The following EXOC6B variants were observed in gnomAD, a reference collection of about 807,000 sequenced individuals.
EXOC6B encodes the protein exocyst complex component 6B, also known as SEC15 homolog B.
In EXOC6B, 54 loss-of-function variants were observed where a neutral mutation model predicts 113.5. The ratio of observed to expected loss-of-function variants is 0.48; its 90% CI spans 0.38 to 0.60. The LOEUF is 0.60. Ranked by LOEUF, EXOC6B falls within the 20% of genes least tolerant of loss-of-function variation. The pLI is 0.00. For missense variants in EXOC6B, 797 were observed against 977.5 expected, an observed-to-expected ratio of 0.82 and a Z score of 2.46; for synonymous variants, 357 against 339.0, an observed-to-expected ratio of 1.05 and a Z score of -0.58.
intron 6 of EXOC6B, among the ~76,000 whole-genome samples, chr2:72,629,507 A>T (rs1672258911): frequency 6.6e-6 from 1 of 152,164 alleles, no homozygotes; most frequent in Non-Finnish European, 1.5e-5. Context: ...TATCATATTC[A>T]TTTGCTATGA....
intron 6 of EXOC6B, among the ~76,000 whole-genome samples, chr2:72,578,799 T>A (rs762173021): frequency 3.3e-5 from 5 of 152,040 alleles, no homozygotes; most frequent in African/African-American, 4.8e-5. Flanking sequence ...TCCAGAAGAA[T>A]GAAGCAGCAG....
At chr2:72,768,609 C>CTT (rs34607791) in intron 1 of EXOC6B, among the ~76,000 whole-genome samples, 25 of 136,218 alleles carry the variant, frequency 1.8e-4, no homozygotes, top group Middle Eastern at 3.7e-3. Context: ...CCGGCCTAAG[C>CTT]TTTTTTTTTT....
chr2:72,818,207 C>G (rs948652101), intron 1 of EXOC6B, among the ~76,000 whole-genome samples: 2 of 151,990 alleles, frequency 1.3e-5, no homozygotes, highest in African/African-American at 4.8e-5. Context: ...GGCAGTAGCG[C>G]GATCTCGGCT....
At chr2:72,803,864 G>T (rs1339289577) in intron 1 of EXOC6B, among the ~76,000 whole-genome samples, 1 of 152,158 alleles carries the variant, frequency 6.6e-6, no homozygotes, top group Non-Finnish European at 1.5e-5. Flanking sequence ...CACAACCTTA[G>T]ATATGGTACA....
intron 7 of EXOC6B, among the ~76,000 whole-genome samples, chr2:72,562,484 T>C (rs941679027): frequency 2.6e-5 from 4 of 152,106 alleles, no homozygotes; most frequent in African/African-American, 9.6e-5. Flanking sequence ...CAGGTTTAGG[T>C]TTCAGCTGGG....
intron 19 of EXOC6B, among the ~76,000 whole-genome samples, chr2:72,347,515 C>T (rs1264322666): frequency 6.6e-6 from 1 of 151,936 alleles, no homozygotes; most frequent in Non-Finnish European, 1.5e-5. Context: ...AAAGCACTGT[C>T]TAAACAGAAA....
At chr2:72,649,251 A>T (rs1333770570) in intron 6 of EXOC6B, among the ~76,000 whole-genome samples, 2 of 152,326 alleles carry the variant, frequency 1.3e-5, no homozygotes, top group African/African-American at 4.8e-5. Flanking sequence ...GGGCACAAAA[A>T]ACAGCTAGAT....
chr2:72,275,581 T>C (rs1431793078), intron 20 of EXOC6B, among the ~76,000 whole-genome samples: 1 of 152,184 alleles, frequency 6.6e-6, no homozygotes, highest in African/African-American at 2.4e-5. Context: ...CTCATTTTTA[T>C]TTTCTTATTA....
intron 1 of EXOC6B, among the ~76,000 whole-genome samples, chr2:72,801,428 C>T (rs575508164): frequency 6.6e-6 from 1 of 152,182 alleles, no homozygotes; most frequent in African/African-American, 2.4e-5. Flanking sequence ...AATGGTTTGA[C>T]TTTATTTTAA....
intron 20 of EXOC6B, among the ~76,000 whole-genome samples, chr2:72,247,330 C>G (rs1236372684): frequency 6.6e-6 from 1 of 152,090 alleles, no homozygotes; most frequent in Non-Finnish European, 1.5e-5. Flanking sequence ...AATTATAACT[C>G]CTACTGTGAG....
rs146146316 is a variant in EXOC6B at position 72,429,489 on chromosome 2, A to G, written c.1980+35671T>C. Among the ~76,000 whole-genome samples the G allele has an allele frequency of 9.2e-4, 140 of 152,358 alleles. 3 individuals are homozygous for G. Among genetic ancestry groups the G allele is most frequent in the Middle Eastern group, 3.4e-3 (1 of 294 alleles). ...AATCATAGCAGGTAAGACATTAATG[A>G]TAATCATTCTCTGAAACACTTTTGG... On this transcript the variant is annotated intron_variant, in intron 18 of 21. Coordinates refer to ENST00000272427, the MANE Select transcript of EXOC6B (RefSeq NM_015189.3).
chr2:72,359,153 A>G (rs1690148656), intron 19 of EXOC6B, among the ~76,000 whole-genome samples: 1 of 152,186 alleles, frequency 6.6e-6, no homozygotes, highest in Admixed American at 6.5e-5. Flanking sequence ...TGGTTTGAAT[A>G]GATTTTTGCT....
intron 6 of EXOC6B, among the ~76,000 whole-genome samples, chr2:72,589,224 A>C (rs1021793105): frequency 1.5e-4 from 23 of 152,064 alleles, no homozygotes; most frequent in African/African-American, 4.8e-4. Context: ...ATATAAATTC[A>C]GTGCAAAAAA....
intron 20 of EXOC6B, among the ~76,000 whole-genome samples, chr2:72,257,015 T>A (rs971878886): frequency 6.6e-6 from 1 of 152,204 alleles, no homozygotes; most frequent in Non-Finnish European, 1.5e-5. Flanking sequence ...TTGCTCTGCA[T>A]AAGCAGTCAC....
chr2:72,518,643 CAA>C (rs1291886081), intron 8 of EXOC6B, among the ~76,000 whole-genome samples: 1 of 151,594 alleles, frequency 6.6e-6, no homozygotes, highest in Non-Finnish European at 1.5e-5. Context: ...CTGGAGGAGA[CAA>C]AGAGGCTGAA....
chr2:72,478,565 T>G (rs1177213324), intron 17 of EXOC6B, among the ~76,000 whole-genome samples: 1 of 152,224 alleles, frequency 6.6e-6, no homozygotes, highest in East Asian at 1.9e-4. Flanking sequence ...ACTGTCAACA[T>G]GACCTTTAGT....
chr2:72,668,035 C>G (rs557463536), intron 6 of EXOC6B, among the ~76,000 whole-genome samples: 1 of 152,030 alleles, frequency 6.6e-6, no homozygotes, highest in Non-Finnish European at 1.5e-5. Context: ...ACCAATAACC[C>G]CAGTAAAAGT....
At chr2:72,562,767 A>ATT in intron 7 of EXOC6B, among the ~76,000 whole-genome samples, 2 of 152,182 alleles carry the variant, frequency 1.3e-5, no homozygotes, top group Admixed American at 6.5e-5. Context: ...CATGATTAGA[A>ATT]TAGTTAAACA....
At chr2:72,693,729 T>G (rs1164100449) in intron 6 of EXOC6B, among the ~76,000 whole-genome samples, 1 of 152,232 alleles carries the variant, frequency 6.6e-6, no homozygotes, top group African/African-American at 2.4e-5. Context: ...TGCTACATTT[T>G]GTAATCCCTA....
Sources: allele counts gnomAD v4.1 joint callset (sites outside exome capture counted in the v4.1 genomes callset), GRCh38; gene constraint gnomAD v4.1.1; transcripts MANE v1.5; gene names NCBI Gene and HGNC (gene_info 2026-07-23, HGNC 2026-07-21).